Variants in FAR2 observed in about 807,000 individuals in gnomAD.
FAR2 encodes the protein fatty acyl-CoA reductase 2, also known as epididymis secretory protein Li 81.
In FAR2, 19 loss-of-function variants were observed where a neutral mutation model predicts 56.0. The ratio of observed to expected loss-of-function variants is 0.34; its 90% CI spans 0.24 to 0.50. FAR2 has a LOEUF of 0.50. Ranked by LOEUF, FAR2 falls within the 20% of genes least tolerant of loss-of-function variation. The probability of loss-of-function intolerance (pLI) is 0.98; values close to 1 mark genes in which losing one functional copy is unlikely to be tolerated. For missense variants in FAR2, 508 were observed against 642.2 expected (o/e 0.79, Z 2.26); for synonymous variants, 219 against 218.8 (o/e 1.00, Z -0.01).
chr12:29,179,330 T>A (rs541026306), intron 1 of FAR2, among the ~76,000 whole-genome samples: 2 of 152,204 alleles, frequency 1.3e-5, no homozygotes, highest in African/African-American at 2.4e-5. Flanking sequence ...GCAAGGACAC[T>A]TATATGTAGC....
At chr12:29,164,367 A>G (rs1316435567) in intron 1 of FAR2, among the ~76,000 whole-genome samples, 1 of 152,128 alleles carries the variant, frequency 6.6e-6, no homozygotes, top group East Asian at 1.9e-4. Flanking sequence ...CTAGACAGGA[A>G]TTGGCTTCTG....
chr12:29,287,989 AT>A (rs1057035478), intron 2 of FAR2, among the ~76,000 whole-genome samples: 1 of 151,636 alleles, frequency 6.6e-6, no homozygotes, highest in African/African-American at 2.4e-5. Flanking sequence ...AACCAGACAA[AT>A]TTTTTTTTCT....
intron 10 of FAR2, among the ~76,000 whole-genome samples, chr12:29,327,392 G>A (rs1949666516): frequency 6.6e-6 from 1 of 152,038 alleles, no homozygotes; most frequent in East Asian, 1.9e-4. Flanking sequence ...TCACAGAATT[G>A]GAAAAAACTA....
At chr12:29,220,602 G>A (rs1565476232) in intron 1 of FAR2, among the ~76,000 whole-genome samples, 1 of 152,022 alleles carries the variant, frequency 6.6e-6, no homozygotes, top group East Asian at 1.9e-4. Context: ...TAGTGTAAAT[G>A]CCCATTTTTT....
At chr12:29,330,771 AC>A (rs1352596481) in intron 10 of FAR2, among the ~76,000 whole-genome samples, 3 of 152,184 alleles carry the variant, frequency 2.0e-5, no homozygotes, top group Non-Finnish European at 4.4e-5. Flanking sequence ...AACAAACTTG[AC>A]CTTTAGTGGT....
intron 1 of FAR2, among the ~76,000 whole-genome samples, chr12:29,213,502 C>T (rs1313479709): frequency 6.6e-6 from 1 of 152,052 alleles, no homozygotes; most frequent in Non-Finnish European, 1.5e-5. Flanking sequence ...CCAGCCTGGT[C>T]AACATGGTGA....
At chr12:29,229,750 T>A (rs967944320) in intron 1 of FAR2, among the ~76,000 whole-genome samples, 1 of 152,106 alleles carries the variant, frequency 6.6e-6, no homozygotes, top group Non-Finnish European at 1.5e-5. Flanking sequence ...CAGATAAGCA[T>A]AACATTACAA....
chr12:29,235,693 G>A (rs1350657125), intron 1 of FAR2, among the ~76,000 whole-genome samples: 1 of 152,112 alleles, frequency 6.6e-6, no homozygotes, highest in Non-Finnish European at 1.5e-5. Context: ...AGTTCCACCA[G>A]CATTACTGAT....
At chr12:29,225,415 G>C (rs1345164907) in intron 1 of FAR2, among the ~76,000 whole-genome samples, 3 of 152,060 alleles carry the variant, frequency 2.0e-5, no homozygotes, top group Admixed American at 2.0e-4. Context: ...CAGAAGGCCT[G>C]GCACAAAAAG....
At chr12:29,264,289 A>C (rs1948474801) in intron 1 of FAR2, among the ~76,000 whole-genome samples, 1 of 152,206 alleles carries the variant, frequency 6.6e-6, no homozygotes, top group Non-Finnish European at 1.5e-5. Context: ...TGTGATAAAA[A>C]CACTCAAAAA....
chr12:29,205,750 A>T (rs77827191), intron 1 of FAR2, among the ~76,000 whole-genome samples: 3,172 of 152,332 alleles, frequency 0.021, 59 homozygotes, highest in Non-Finnish European at 0.035. Flanking sequence ...CTCCATTTCT[A>T]GGAAATAGCA....
At chr12:29,329,203 G>A (rs1444324872) in intron 10 of FAR2, among the ~76,000 whole-genome samples, 1 of 152,118 alleles carries the variant, frequency 6.6e-6, no homozygotes, top group African/African-American at 2.4e-5. Context: ...TGATGATTAA[G>A]CCAGTTTATA....
At chr12:29,263,397 G>T (rs968131651) in intron 1 of FAR2, among the ~76,000 whole-genome samples, 6 of 151,924 alleles carry the variant, frequency 3.9e-5, no homozygotes, top group Admixed American at 2.0e-4. Context: ...CCATATATTA[G>T]GTCACAAAAC....
rs545705312 is a variant in FAR2 at position 29,198,507 on chromosome 12, G to A, written c.-39+49100G>A. 7.9e-4 allele frequency among the ~76,000 whole-genome samples: 121 copies of A among 152,284 alleles called. 1 individual carries two copies. Among genetic ancestry groups the A allele is most frequent in the African/African-American group, 2.7e-3 (114 of 41,564 alleles). On this transcript the variant is annotated intron_variant, in intron 1 of 11. Transcript: ENST00000536681. ...CTCCCAAAGTGCTGGGATATCAGGT[G>A]TGAGCCACCGCGCCTGGCCTCTCCC... is the stretch of plus-strand genomic sequence containing the variant.
intron 1 of FAR2, among the ~76,000 whole-genome samples, chr12:29,189,083 A>T (rs1225478433): frequency 6.6e-6 from 1 of 152,174 alleles, no homozygotes; most frequent in African/African-American, 2.4e-5. Context: ...CTTTAGAAGC[A>T]GAGCACTAAG....
At chr12:29,304,579 G>C (rs912315029) in intron 4 of FAR2, among the ~76,000 whole-genome samples, 2 of 152,156 alleles carry the variant, frequency 1.3e-5, no homozygotes, top group African/African-American at 4.8e-5. Flanking sequence ...AGAAAATTGA[G>C]GGTATCAGGG....
chr12:29,308,641 T>C (rs1167935325), intron 5 of FAR2, among the ~76,000 whole-genome samples: 2 of 151,124 alleles, frequency 1.3e-5, no homozygotes, highest in African/African-American at 4.9e-5. Context: ...CTCTTAAATA[T>C]AATCTCTGTA....
At chr12:29,187,488 A>G (rs367677821) in intron 1 of FAR2, among the ~76,000 whole-genome samples, 2 of 152,158 alleles carry the variant, frequency 1.3e-5, no homozygotes, top group Non-Finnish European at 2.9e-5. Flanking sequence ...ACAGCAAACC[A>G]TAGATTTTAA....
chr12:29,325,565 G>A (rs1949630415), intron 10 of FAR2, among the ~76,000 whole-genome samples: 1 of 152,196 alleles, frequency 6.6e-6, no homozygotes, highest in Non-Finnish European at 1.5e-5. Flanking sequence ...AGACCATAGT[G>A]CAATCAAACT....
Sources: allele counts gnomAD v4.1 joint callset (sites outside exome capture counted in the v4.1 genomes callset), GRCh38; gene constraint gnomAD v4.1.1; transcripts MANE v1.5; gene names NCBI Gene and HGNC (gene_info 2026-07-23, HGNC 2026-07-21).